Variants in CREB5 observed in about 807,000 individuals in gnomAD.
The protein encoded by CREB5 is cyclic AMP-responsive element-binding protein 5.
Under a neutral mutation model 57.1 loss-of-function variants are expected in CREB5, and 19 were observed. The ratio of observed to expected loss-of-function variants is 0.33; its 90% CI spans 0.23 to 0.49. The LOEUF (loss-of-function observed/expected upper bound fraction) is 0.49, where lower values mean the gene tolerates loss of function less well. Among genes scored for constraint, CREB5 ranks in the 20% least tolerant of loss-of-function variants. The pLI is 0.99. For synonymous variants in CREB5, 238 were observed against 238.3 expected, an observed-to-expected ratio of 1.00 and a Z score of 0.01; for missense variants, 579 against 671.6, an observed-to-expected ratio of 0.86 and a Z score of 1.52.
intron 4 of CREB5, among the ~76,000 whole-genome samples, chr7:28,569,137 T>C (rs904920412): frequency 7.9e-5 from 12 of 151,658 alleles, no homozygotes; most frequent in Non-Finnish European, 1.6e-4. Flanking sequence ...GGCCAAGCAC[T>C]TTCTCTTTCT....
At chr7:28,347,084 C>G (rs7806362) in intron 1 of CREB5, among the ~76,000 whole-genome samples, 2 of 151,986 alleles carry the variant, frequency 1.3e-5, no homozygotes, top group Non-Finnish European at 1.5e-5. Flanking sequence ...CCTGTTCATT[C>G]TAGCAAATCT....
chr7:28,531,647 G>T (rs373531843), intron 4 of CREB5, among the ~76,000 whole-genome samples: 1 of 152,174 alleles, frequency 6.6e-6, no homozygotes, highest in Non-Finnish European at 1.5e-5. Context: ...AATGCAACAC[G>T]TAACACCATC....
intron 4 of CREB5, among the ~76,000 whole-genome samples, chr7:28,556,091 T>C (rs561080733): frequency 6.6e-6 from 1 of 152,182 alleles, no homozygotes; most frequent in Non-Finnish European, 1.5e-5. Context: ...AGTCAACCCA[T>C]ATATCCTGGC....
intron 1 of CREB5, among the ~76,000 whole-genome samples, chr7:28,453,543 T>C (rs1300716323): frequency 1.3e-5 from 2 of 152,258 alleles, no homozygotes; most frequent in Non-Finnish European, 2.9e-5. Flanking sequence ...TCTACATGAA[T>C]GGCACTTGAG....
chr7:28,488,180 T>C lies in CREB5; in HGVS notation c.9T>C (p.Tyr3=). The C allele has an allele frequency of 6.2e-7, 1 of 1,613,874 alleles. No homozygotes were observed. The highest frequency in any genetic ancestry group is 8.5e-7 in the Non-Finnish European group (1 of 1,179,820). ...CTTTCCCTCTGATCCTTCAGATTTA[T>C]GAGGAATCCAAGATGAATTTGGAGC... MI[Y]EESKMNLEQE... is the part of the protein sequence containing the mutation. The change falls in exon 2 of 11, where the codon TAT becomes TAC. Residue 3 remains tyrosine (Y), a synonymous_variant. Coordinates refer to ENST00000357727, the MANE Select transcript of CREB5 (RefSeq NM_182898.4).
intron 1 of CREB5, among the ~76,000 whole-genome samples, chr7:28,312,192 A>T (rs532249953): frequency 2.5e-3 from 61 of 24,220 alleles, no homozygotes; most frequent in African/African-American, 4.1e-3. Context: ...GCTAATTGAT[A>T]AAAAAAAAAA....
chr7:28,758,382 G>A (rs1805461414), intron 7 of CREB5, among the ~76,000 whole-genome samples: 1 of 152,204 alleles, frequency 6.6e-6, no homozygotes. Context: ...TGTCACTGTT[G>A]TTGTTGTTAT....
chr7:28,582,248 T>C (rs569856338), intron 5 of CREB5, among the ~76,000 whole-genome samples: 1 of 151,610 alleles, frequency 6.6e-6, no homozygotes, highest in East Asian at 1.9e-4. Flanking sequence ...TGCTGCTTTT[T>C]CGTTTTTCAT....
At chr7:28,683,493 C>T (rs145823965) in intron 5 of CREB5, among the ~76,000 whole-genome samples, 6 of 152,250 alleles carry the variant, frequency 3.9e-5, no homozygotes, top group East Asian at 1.9e-4. Flanking sequence ...TGTTCTGGCA[C>T]GTTGGTGGCT....
At chr7:28,751,923 C>T (rs1479018612) in intron 7 of CREB5, among the ~76,000 whole-genome samples, 3 of 152,120 alleles carry the variant, frequency 2.0e-5, no homozygotes, top group Non-Finnish European at 2.9e-5. Flanking sequence ...ATATTTCTTA[C>T]GAGTACCGGT....
intron 7 of CREB5, among the ~76,000 whole-genome samples, chr7:28,774,387 A>C (rs1806507139): frequency 1.3e-5 from 2 of 152,218 alleles, no homozygotes; most frequent in Non-Finnish European, 2.9e-5. Flanking sequence ...GTACTATCAA[A>C]GGCCAAATAC....
At chr7:28,616,275 C>T (rs570421617) in intron 5 of CREB5, among the ~76,000 whole-genome samples, 11 of 152,244 alleles carry the variant, frequency 7.2e-5, no homozygotes, top group Admixed American at 2.0e-4. Flanking sequence ...GTCACTGACA[C>T]GGTCTATATC....
At chr7:28,560,838 G>GCC (rs1562797083) in intron 4 of CREB5, among the ~76,000 whole-genome samples, 4 of 114,142 alleles carry the variant, frequency 3.5e-5, no homozygotes, top group Non-Finnish European at 7.5e-5. Context: ...GCGCGCGTGT[G>GCC]TGTGTGCGCG....
intron 5 of CREB5, among the ~76,000 whole-genome samples, chr7:28,644,561 C>T (rs945600972): frequency 6.9e-6 from 1 of 145,378 alleles, no homozygotes; most frequent in Non-Finnish European, 1.5e-5. Context: ...TGTGAATGAA[C>T]GTGGAGTGGG....
chr7:28,776,487 G>A (rs571181146), intron 7 of CREB5, among the ~76,000 whole-genome samples: 21 of 152,144 alleles, frequency 1.4e-4, no homozygotes, highest in Non-Finnish European at 8.8e-5. Flanking sequence ...TTATTTGGAG[G>A]AACAGCATCT....
chr7:28,775,543 C>CATTTATATATATATATATATATATATAT (rs1806571207), intron 7 of CREB5, among the ~76,000 whole-genome samples: 1 of 120,632 alleles, frequency 8.3e-6, no homozygotes, highest in Admixed American at 8.9e-5. Flanking sequence ...ATTCCTTAGC[C>CATTTATATATATATATATATATATATAT]ATATATATAT....
chr7:28,797,690 C>T (rs141301188), intron 7 of CREB5, among the ~76,000 whole-genome samples: 4 of 152,272 alleles, frequency 2.6e-5, no homozygotes, highest in South Asian at 4.1e-4. Context: ...TTCTGTCTAT[C>T]GCCACATCTC....
At chr7:28,303,693 G>A (rs896298959) in intron 1 of CREB5, among the ~76,000 whole-genome samples, 1 of 152,126 alleles carries the variant, frequency 6.6e-6, no homozygotes, top group Admixed American at 6.5e-5. Flanking sequence ...TTGCCTCCCT[G>A]TGGCCAATTT....
At chr7:28,765,068 T>C (rs2128772077) in intron 7 of CREB5, among the ~76,000 whole-genome samples, 1 of 152,358 alleles carries the variant, frequency 6.6e-6, no homozygotes, top group South Asian at 2.1e-4. Flanking sequence ...GAGCTGATTA[T>C]CTCACTGTAT....
Sources: allele counts gnomAD v4.1 joint callset (sites outside exome capture counted in the v4.1 genomes callset), GRCh38; gene constraint gnomAD v4.1.1; transcripts MANE v1.5; gene names NCBI Gene and HGNC (gene_info 2026-07-23, HGNC 2026-07-21).